Variants in ATP9A observed in about 807,000 individuals in gnomAD.
The protein encoded by ATP9A is ATPase phospholipid transporting 9A.
Under a neutral mutation model 144.1 loss-of-function variants are expected in ATP9A, and 52 were observed. The ratio of observed to expected loss-of-function variants is 0.36; its 90% CI spans 0.29 to 0.45. ATP9A has a LOEUF of 0.45. Ranked by LOEUF, ATP9A falls within the 20% of genes least tolerant of loss-of-function variation. The probability of loss-of-function intolerance (pLI) is 1.00; values close to 1 mark genes in which losing one functional copy is unlikely to be tolerated. For missense variants in ATP9A, 947 were observed against 1,392.7 expected (o/e 0.68, Z 5.09); for synonymous variants, 582 against 557.4 (o/e 1.04, Z -0.62).
intron 13 of ATP9A, among the ~76,000 whole-genome samples, chr20:51,663,751 G>A (rs1015252280): frequency 2.8e-5 from 4 of 142,338 alleles, no homozygotes; most frequent in African/African-American, 7.8e-5. Flanking sequence ...CGGAGATCGC[G>A]CCACTGCACT....
chr20:51,672,014 G>C (rs1222528666), intron 11 of ATP9A, among the ~76,000 whole-genome samples: 3 of 151,958 alleles, frequency 2.0e-5, no homozygotes, highest in Non-Finnish European at 2.9e-5. Context: ...TGCCCAGGCT[G>C]GTCTCAAACT....
intron 9 of ATP9A, among the ~76,000 whole-genome samples, chr20:51,683,962 G>A (rs1481768485): frequency 1.3e-5 from 2 of 152,098 alleles, no homozygotes; most frequent in African/African-American, 4.8e-5. Context: ...ACAAAAAACA[G>A]AAACCACAAA....
intron 1 of ATP9A, among the ~76,000 whole-genome samples, chr20:51,765,786 C>A (rs6512745): frequency 1.1e-3 from 172 of 151,848 alleles, no homozygotes; most frequent in African/African-American, 3.2e-3. Flanking sequence ...TGAAACAACT[C>A]TCTCTACTAA....
chr20:51,676,917 CTTTTTTTTTTTTTTTTT>C, intron 9 of ATP9A, among the ~76,000 whole-genome samples: 1 of 68,426 alleles, frequency 1.5e-5, no homozygotes, highest in East Asian at 5.8e-4. Flanking sequence ...CGCCCAGTCT[CTTTTTTTTTTTTTTTTT>C]TTTTTTTTTT....
At chr20:51,749,842 T>A (rs2122901580) in intron 1 of ATP9A, among the ~76,000 whole-genome samples, 1 of 152,126 alleles carries the variant, frequency 6.6e-6, no homozygotes, top group Admixed American at 6.5e-5. Flanking sequence ...TCAGTACACT[T>A]TTTTCTAATC....
At position 51,753,839 on chromosome 20, in the gene ATP9A, G is replaced by GT. The variant is rs1202936685; in HGVS notation, c.68+14462dup. Among the ~76,000 whole-genome samples the GT allele has an allele frequency of 3.3e-3, 467 of 142,202 alleles. 2 individuals carry two copies. Among genetic ancestry groups the GT allele is most frequent in the African/African-American group, 8.7e-3 (339 of 38,986 alleles). 93.3% of individuals were successfully genotyped at this position (142,202 alleles called of 152,430 possible). On this transcript the variant is annotated intron_variant, in intron 1 of 27. Transcript: ENST00000338821. ...GTGCCACCATGCCCAGCTAATTTTG[G>GT]TTTTTTTTTTTCCAGTAGAGACAGG...
rs1169489517 is a variant in ATP9A, at chr20:51,697,395, C to G, written c.495+29G>C. 6.8e-6 allele frequency: 11 copies of G among 1,607,312 alleles called. No homozygotes were observed. In the African/African-American group the frequency reaches 1.5e-4, roughly 21 times the overall value. ...CACATTAGGACCCATGAAGTGGTAT[C>G]CACACACAAGCTTCCAGATTCTGCT... is the stretch of plus-strand genomic sequence containing the variant. On this transcript the variant is annotated intron_variant, in intron 5 of 27. Transcript: ENST00000338821.
At chr20:51,760,048 T>C (rs2077872440) in intron 1 of ATP9A, among the ~76,000 whole-genome samples, 1 of 152,192 alleles carries the variant, frequency 6.6e-6, no homozygotes, top group South Asian at 2.1e-4. Context: ...TTGTGGTCTC[T>C]TACTGCCACG....
intron 1 of ATP9A, among the ~76,000 whole-genome samples, chr20:51,750,160 A>G (rs943973711): frequency 6.6e-6 from 1 of 152,114 alleles, no homozygotes; most frequent in African/African-American, 2.4e-5. Flanking sequence ...CGTCTCCAAA[A>G]TAAATAAAAA....
Position 51,640,131 on chromosome 20 carries a change from C to T in ATP9A, c.1507-627G>A, listed in dbSNP as rs138389938. ...CCACTCCGAAAAAAGGAGCAATTGG[C>T]ACAATTACGGATCACTCCTGGAAGT... is the stretch of plus-strand genomic sequence containing the variant. On this transcript the variant is annotated intron_variant, in intron 14 of 27. Transcript: ENST00000338821. 2.1e-3 allele frequency among the ~76,000 whole-genome samples: 323 copies of T among 152,092 alleles called. 3 individuals carry two copies. Among genetic ancestry groups the T allele is most frequent in the African/African-American group, 7.6e-3 (314 of 41,506 alleles).
intron 27 of ATP9A, among the ~76,000 whole-genome samples, chr20:51,602,414 C>A (rs2077146913): frequency 6.6e-6 from 1 of 152,168 alleles, no homozygotes; most frequent in Admixed American, 6.6e-5. Flanking sequence ...TGTGGTGTGT[C>A]CCTATCACAA....
At chr20:51,668,832 G>A (rs2077444395) in intron 13 of ATP9A, among the ~76,000 whole-genome samples, 1 of 152,150 alleles carries the variant, frequency 6.6e-6, no homozygotes, top group Non-Finnish European at 1.5e-5. Context: ...CTGTCACACT[G>A]TCCCCTGCTC....
At chr20:51,602,021 G>A (rs1191791120) in intron 27 of ATP9A, among the ~76,000 whole-genome samples, 1 of 152,194 alleles carries the variant, frequency 6.6e-6, no homozygotes, top group Admixed American at 6.5e-5. Context: ...GGCCACTGGC[G>A]AGCAGAAAAT....
intron 3 of ATP9A, among the ~76,000 whole-genome samples, chr20:51,725,421 C>T (rs1601129350): frequency 6.6e-6 from 1 of 152,040 alleles, no homozygotes; most frequent in Non-Finnish European, 1.5e-5. Flanking sequence ...CGTGCCTGGC[C>T]AGATTTTAGA....
At chr20:51,642,866 T>C (rs2122752109) in intron 14 of ATP9A, among the ~76,000 whole-genome samples, 1 of 151,648 alleles carries the variant, frequency 6.6e-6, no homozygotes, top group Non-Finnish European at 1.5e-5. Flanking sequence ...TTTCTTTCTC[T>C]GGAACCCCTG....
At chr20:51,766,756 C>T (rs2077905771) in intron 1 of ATP9A, among the ~76,000 whole-genome samples, 1 of 152,086 alleles carries the variant, frequency 6.6e-6, no homozygotes, top group South Asian at 2.1e-4. Context: ...CAGAGAATTG[C>T]TTGAACCCGG....
chr20:51,632,308 G>A (rs1325406209), intron 15 of ATP9A, among the ~76,000 whole-genome samples: 5 of 152,104 alleles, frequency 3.3e-5, no homozygotes, highest in Non-Finnish European at 4.4e-5. Flanking sequence ...ACTGAAACTC[G>A]TTGGCTCAAG....
At chr20:51,635,763 G>A (rs1336862540) in intron 15 of ATP9A, among the ~76,000 whole-genome samples, 87 of 112,362 alleles carry the variant, frequency 7.7e-4, no homozygotes, top group African/African-American at 2.5e-3. Context: ...AAAGAGAAGA[G>A]AAAAGAAAAG....
At chr20:51,679,841 G>T (rs1049948563) in intron 9 of ATP9A, among the ~76,000 whole-genome samples, 6 of 152,198 alleles carry the variant, frequency 3.9e-5, no homozygotes, top group African/African-American at 1.4e-4. Flanking sequence ...TCAGCGTTTG[G>T]AAATTTTTAT....
Sources: allele counts gnomAD v4.1 joint callset (sites outside exome capture counted in the v4.1 genomes callset), GRCh38; gene constraint gnomAD v4.1.1; transcripts MANE v1.5; gene names NCBI Gene and HGNC (gene_info 2026-07-23, HGNC 2026-07-21).